BMAL1: variants seen among roughly 807,000 people sequenced by gnomAD.
The protein encoded by BMAL1 is basic helix-loop-helix ARNT-like protein 1.
At chr11:13,364,695 G>C in the BMAL1 span, among the ~76,000 whole-genome samples, 1 of 152,156 alleles carries the variant, frequency 6.6e-6, no homozygotes, top group African/African-American at 2.4e-5. Flanking sequence ...ACTATAGCTT[G>C]GGTATTTACC....
chr11:13,292,158 C>T, the BMAL1 span, among the ~76,000 whole-genome samples: 1 of 152,146 alleles, frequency 6.6e-6, no homozygotes, highest in African/African-American at 2.4e-5. Context: ...GTGACCTAAG[C>T]ATAAATTGTC....
the BMAL1 span, among the ~76,000 whole-genome samples, chr11:13,292,601 G>T: frequency 0.27 from 41,218 of 151,806 alleles, 5,711 homozygotes; most frequent in East Asian, 0.46. Flanking sequence ...GGTGGCAAGG[G>T]GCTTTGCTAG....
At chr11:13,310,460 T>G in the BMAL1 span, among the ~76,000 whole-genome samples, 18 of 152,288 alleles carry the variant, frequency 1.2e-4, no homozygotes, top group East Asian at 3.3e-3. Context: ...GAGCAAAATC[T>G]TCATCGAAAG....
chr11:13,367,727 A>G, the BMAL1 span, among the ~76,000 whole-genome samples: 1 of 150,844 alleles, frequency 6.6e-6, no homozygotes, highest in African/African-American at 2.4e-5. Flanking sequence ...AAAAAAAAAA[A>G]GAATGAGAAC....
At chr11:13,295,876 T>G in the BMAL1 span, among the ~76,000 whole-genome samples, 1 of 152,166 alleles carries the variant, frequency 6.6e-6, no homozygotes, top group Non-Finnish European at 1.5e-5. Context: ...CAATTTTAAT[T>G]AACTCCTCCT....
At chr11:13,346,579 G>C in the BMAL1 span, among the ~76,000 whole-genome samples, 1 of 152,146 alleles carries the variant, frequency 6.6e-6, no homozygotes, top group Non-Finnish European at 1.5e-5. Context: ...AGGGCAGGCT[G>C]GGCTGTGACT....
the BMAL1 span, among the ~76,000 whole-genome samples, chr11:13,277,274 G>A: frequency 2.0e-5 from 3 of 152,230 alleles, no homozygotes; most frequent in Non-Finnish European, 4.4e-5. Context: ...GAGGGGAGAA[G>A]AAGAAGGAGG....
chr11:13,286,607 C>T, the BMAL1 span, among the ~76,000 whole-genome samples: 4 of 152,184 alleles, frequency 2.6e-5, no homozygotes, highest in Admixed American at 2.6e-4. Flanking sequence ...AAGTATATGG[C>T]ACTCAGCAAT....
chr11:13,296,247 G>T, the BMAL1 span, among the ~76,000 whole-genome samples: 1 of 152,176 alleles, frequency 6.6e-6, no homozygotes, highest in Non-Finnish European at 1.5e-5. Flanking sequence ...CAGTGATGGG[G>T]CTTTCCCAGC....
At chr11:13,358,010 C>T in the BMAL1 span, among the ~76,000 whole-genome samples, 1 of 152,222 alleles carries the variant, frequency 6.6e-6, no homozygotes, top group Non-Finnish European at 1.5e-5. Flanking sequence ...GGTCACATGG[C>T]CACACAGCGG....
the BMAL1 span, among the ~76,000 whole-genome samples, chr11:13,294,745 AT>A: frequency 6.6e-6 from 1 of 151,944 alleles, no homozygotes; most frequent in Admixed American, 6.5e-5. Context: ...CTGTGTCACC[AT>A]TTTTTTCTTT....
the BMAL1 span, chr11:13,374,091 T>C: frequency 6.2e-7 from 1 of 1,612,240 alleles, no homozygotes; most frequent in African/African-American, 1.3e-5. Context: ...TTATTCCCTT[T>C]TAGGGCAACA....
At chr11:13,326,047 A>G in the BMAL1 span, among the ~76,000 whole-genome samples, 2 of 152,030 alleles carry the variant, frequency 1.3e-5, no homozygotes, top group East Asian at 3.9e-4. Context: ...TACTAAAAAT[A>G]CAAAAATTAG....
the BMAL1 span, among the ~76,000 whole-genome samples, chr11:13,283,822 G>C: frequency 6.6e-6 from 1 of 152,078 alleles, no homozygotes; most frequent in Admixed American, 6.6e-5. Flanking sequence ...ATGCATGGCT[G>C]TCTCTCTGGC....
At chr11:13,289,444 A>C in the BMAL1 span, among the ~76,000 whole-genome samples, 3 of 152,214 alleles carry the variant, frequency 2.0e-5, no homozygotes, top group Non-Finnish European at 4.4e-5. Context: ...CAGGTTTGTT[A>C]CATAGGTATA....
At chr11:13,324,457 C>A in the BMAL1 span, among the ~76,000 whole-genome samples, 1 of 152,132 alleles carries the variant, frequency 6.6e-6, no homozygotes, top group African/African-American at 2.4e-5. Context: ...CCCCAGACAC[C>A]GCCTGTCTCA....
At chr11:13,301,758 G>A in the BMAL1 span, among the ~76,000 whole-genome samples, 168 of 152,302 alleles carry the variant, frequency 1.1e-3, no homozygotes, top group African/African-American at 3.9e-3. Flanking sequence ...AGTATCAGGT[G>A]CCAGGCATGG....
chr11:13,337,195 T>G, the BMAL1 span, among the ~76,000 whole-genome samples: 10 of 152,232 alleles, frequency 6.6e-5, no homozygotes, highest in African/African-American at 2.2e-4. Flanking sequence ...TAGAAAAAGA[T>G]GGAAAATTGA....
At chr11:13,305,680 A>G in the BMAL1 span, among the ~76,000 whole-genome samples, 9 of 151,944 alleles carry the variant, frequency 5.9e-5, no homozygotes, top group African/African-American at 2.2e-4. Context: ...CCTTGTTCCT[A>G]GTCTTGGGGA....
Sources: allele counts gnomAD v4.1 joint callset (sites outside exome capture counted in the v4.1 genomes callset), GRCh38; gene constraint gnomAD v4.1.1; transcripts MANE v1.5; gene names NCBI Gene and HGNC (gene_info 2026-07-23, HGNC 2026-07-21).